USP54: variants seen among roughly 807,000 people sequenced by gnomAD.
The protein encoded by USP54 is ubiquitin carboxyl-terminal hydrolase 54.
In USP54, 87 loss-of-function variants were observed where a neutral mutation model predicts 170.5. The observed-to-expected ratio is 0.51, with a 90% confidence interval of 0.43 to 0.61. The LOEUF (loss-of-function observed/expected upper bound fraction) is 0.61. Among genes scored for constraint, USP54 ranks in the 20% least tolerant of loss-of-function variants. The probability of loss-of-function intolerance (pLI) is 0.00; values close to 1 mark genes in which losing one functional copy is unlikely to be tolerated. For missense variants in USP54, 1,786 were observed against 2,047.8 expected (o/e 0.87, Z 2.47); for synonymous variants, 655 against 742.8 (o/e 0.88, Z 1.92).
Position 73,500,738 on chromosome 10 carries a change from G to C in USP54, c.4412C>G (p.Pro1471Arg). The change falls in exon 23 of 24, where the codon CCC becomes CGC. Residue 1471 changes from proline (P) to arginine (R), a missense_variant. Transcript: ENST00000687698. ...IHDPSVFLLG[P>R]QLYLPQPQFL... Reference sequence around the variant, plus strand: ...CTGTGGTTGGGGAAGGTAGAGTTGGGGACCGAGGAGAAACACAGAAGGGTC... The same window carrying C: ...CTGTGGTTGGGGAAGGTAGAGTTGGCGACCGAGGAGAAACACAGAAGGGTC... The C allele has an allele frequency of 6.2e-7, 1 of 1,604,334 alleles. No homozygotes were observed. The highest frequency in any genetic ancestry group is 8.5e-7 in the Non-Finnish European group (1 of 1,175,914).
At chr10:73,565,547 C>T (rs1456784105) in intron 4 of USP54, among the ~76,000 whole-genome samples, 1 of 151,964 alleles carries the variant, frequency 6.6e-6, no homozygotes, top group African/African-American at 2.4e-5. Flanking sequence ...ACTTAGCCTA[C>T]CTACTCTGAG....
At chr10:73,603,303 T>C (rs2079346211) in intron 1 of USP54, among the ~76,000 whole-genome samples, 1 of 152,060 alleles carries the variant, frequency 6.6e-6, no homozygotes, top group Non-Finnish European at 1.5e-5. Flanking sequence ...AGAAAATATA[T>C]AATAAAATTT....
intron 1 of USP54, among the ~76,000 whole-genome samples, chr10:73,584,208 T>A (rs573949675): frequency 1.4e-4 from 21 of 152,168 alleles, no homozygotes; most frequent in African/African-American, 5.1e-4. Flanking sequence ...GCCAACATAG[T>A]GAAACCCCAT....
intron 1 of USP54, among the ~76,000 whole-genome samples, chr10:73,604,919 G>A (rs1238995878): frequency 2.0e-5 from 3 of 152,120 alleles, no homozygotes; most frequent in East Asian, 1.9e-4. Context: ...GCGGGTTGCC[G>A]CTGCTAGCTG....
intron 1 of USP54, among the ~76,000 whole-genome samples, chr10:73,622,751 G>A (rs1222408659): frequency 6.6e-6 from 1 of 152,038 alleles, no homozygotes; most frequent in South Asian, 2.1e-4. Context: ...CCAGGTGCTT[G>A]AGATCAGCAT....
intron 19 of USP54, chr10:73,518,370 T>C: frequency 3.0e-6 from 1 of 336,168 alleles, no homozygotes; most frequent in Non-Finnish European, 4.2e-6. Context: ...TCTTGAGATT[T>C]AGGAGTAGGA....
chr10:73,520,169 A>C (rs1442839559), intron 18 of USP54, 177 bp from the exon 19 acceptor site: 1 of 873,692 alleles, frequency 1.1e-6, no homozygotes, highest in Non-Finnish European at 1.7e-6. Context: ...TCTGGCTATA[A>C]GGAACATTGA....
At chr10:73,547,535 A>G (rs2068134939) in intron 4 of USP54, among the ~76,000 whole-genome samples, 1 of 152,198 alleles carries the variant, frequency 6.6e-6, no homozygotes, top group Non-Finnish European at 1.5e-5. Context: ...CAAAACAGAG[A>G]TATAGACCAA....
intron 1 of USP54, among the ~76,000 whole-genome samples, chr10:73,621,119 G>A (rs2081053245): frequency 6.7e-6 from 1 of 149,954 alleles, no homozygotes; most frequent in Non-Finnish European, 1.5e-5. Context: ...TTGTGCCACT[G>A]CACTCCGGCC....
In USP54 at chr10:73,541,697, G is replaced by A; in HGVS notation, c.614C>T (p.Ser205Leu). 1.9e-6 allele frequency: 3 copies of A among 1,614,144 alleles called. No homozygotes were observed. The highest frequency in any genetic ancestry group is 1.7e-6 in the Non-Finnish European group (2 of 1,180,030). The stretch of plus-strand genomic sequence containing the variant: ...CAGCAGCTCACCAAACATGCTTGGT[G>A]AAGGTTTCTCTCGTCTTTCCAGCAT... ...ICMLERREKP[S>L]PSMFGELLQN... The change falls in exon 8 of 24, where the codon TCA (serine) becomes TTA (leucine). Residue 205 changes from serine to leucine, a missense_variant. Physicochemically the swap from Ser to Leu is moderately radical, Grantham distance 145 (BLOSUM62 -2). Transcript: ENST00000687698.
intron 1 of USP54, among the ~76,000 whole-genome samples, chr10:73,588,494 G>A (rs1361909924): frequency 6.6e-6 from 1 of 152,224 alleles, no homozygotes; most frequent in Non-Finnish European, 1.5e-5. Flanking sequence ...AAAGTGCTGC[G>A]ATTACAGGCG....
chr10:73,576,692 C>T (rs2076158081), intron 1 of USP54, among the ~76,000 whole-genome samples: 1 of 152,170 alleles, frequency 6.6e-6, no homozygotes, highest in Admixed American at 6.5e-5. Context: ...ACCAAGTAAG[C>T]ACACACAAAC....
chr10:73,614,012 T>G (rs1414950507), intron 1 of USP54: 2 of 149,482 alleles, frequency 1.3e-5, no homozygotes, highest in Non-Finnish European at 3.0e-5. Flanking sequence ...CGAGACCAGC[T>G]AGGCCATGGA....
intron 5 of USP54, among the ~76,000 whole-genome samples, chr10:73,544,586 A>C (rs1254320725): frequency 6.6e-6 from 1 of 152,254 alleles, no homozygotes; most frequent in Non-Finnish European, 1.5e-5. Flanking sequence ...ACTGTTTTCC[A>C]GAGTAGCTAT....
chr10:73,520,803 AG>A, intron 18 of USP54, 104 bp downstream of exon 18: 1 of 1,509,014 alleles, frequency 6.6e-7, no homozygotes, highest in South Asian at 1.2e-5. Flanking sequence ...AGCAAGAGTG[AG>A]GAGACACAAA....
intron 1 of USP54, among the ~76,000 whole-genome samples, chr10:73,604,766 G>A (rs1279109076): frequency 2.0e-5 from 3 of 151,872 alleles, no homozygotes; most frequent in East Asian, 1.9e-4. Flanking sequence ...TCTTGGTCTC[G>A]CTGACTTCAA....
chr10:73,555,904 A>T (rs540603139), intron 4 of USP54, among the ~76,000 whole-genome samples: 2 of 152,272 alleles, frequency 1.3e-5, no homozygotes, highest in African/African-American at 4.8e-5. Context: ...TACAATTCTG[A>T]ACTCCAAATT....
intron 15 of USP54, among the ~76,000 whole-genome samples, chr10:73,528,078 G>C (rs971116007): frequency 2.6e-5 from 4 of 151,870 alleles, no homozygotes; most frequent in Non-Finnish European, 4.4e-5. Flanking sequence ...TGGGACTAGA[G>C]GTGCGCGCCA....
intron 1 of USP54, among the ~76,000 whole-genome samples, chr10:73,588,369 G>A (rs1024872363): frequency 2.0e-5 from 3 of 152,134 alleles, no homozygotes; most frequent in Non-Finnish European, 4.4e-5. Flanking sequence ...GATTACAGGT[G>A]TGTGCCACCA....
Sources: allele counts gnomAD v4.1 joint callset (sites outside exome capture counted in the v4.1 genomes callset), GRCh38; gene constraint gnomAD v4.1.1; transcripts MANE v1.5; gene names NCBI Gene and HGNC (gene_info 2026-07-23, HGNC 2026-07-21).